The following ASCC3 variants were observed in gnomAD, a reference collection of about 807,000 sequenced individuals.
The protein encoded by ASCC3 is activating signal cointegrator 1 complex subunit 3, also known as ASC-1 complex subunit P200.
A neutral mutation model predicts 256.3 loss-of-function variants in ASCC3; 158 were observed. The observed-to-expected ratio is 0.62, with a 90% CI of 0.54 to 0.70. ASCC3 has a LOEUF of 0.70. Ranked by LOEUF, ASCC3 falls within the 30% of genes least tolerant of loss-of-function variation. The pLI is 0.00. For synonymous variants in ASCC3, 948 were observed against 883.4 expected (o/e 1.07, Z -1.30); for missense variants, 2,259 against 2,626.0 (o/e 0.86, Z 3.05).
intron 36 of ASCC3, among the ~76,000 whole-genome samples, chr6:100,579,689 G>A (rs903894247): frequency 6.6e-6 from 1 of 152,074 alleles, no homozygotes; most frequent in Admixed American, 6.6e-5. Context: ...ATTGGTCTAT[G>A]TCTGTTTTTC....
intron 36 of ASCC3, among the ~76,000 whole-genome samples, chr6:100,587,784 G>T (rs565783795): frequency 6.6e-5 from 10 of 152,296 alleles, no homozygotes; most frequent in East Asian, 3.9e-4. Flanking sequence ...ATAGTGTAAT[G>T]CCAGAAAGAA....
At chr6:100,639,531 T>TAC (rs1322919789) in intron 24 of ASCC3, among the ~76,000 whole-genome samples, 2 of 152,192 alleles carry the variant, frequency 1.3e-5, no homozygotes, top group African/African-American at 4.8e-5. Flanking sequence ...AAGGCCACTT[T>TAC]ACTCTCAAGA....
rs779112446 is a variant in ASCC3 at position 100,516,328 on chromosome 6, C to T, written c.5928-1G>A. 3 of 1,613,514 alleles carry T rather than the reference C, an allele frequency of 1.9e-6. No homozygotes were observed. The highest frequency in any genetic ancestry group is 2.5e-6 in the Non-Finnish European group (3 of 1,179,618). ...GCCCTTCATAATCGGCTTCCATTTC[C>T]TAGGAAATAATATCAAACCAACCAA... On this transcript the variant is annotated splice_acceptor_variant, in intron 38 of 41. Coordinates refer to ENST00000369162, the MANE Select transcript of ASCC3 (RefSeq NM_006828.4). LOFTEE classifies it high-confidence loss of function.
chr6:100,606,684 A>G, intron 32 of ASCC3, 56 bp downstream of exon 32: 1 of 1,519,184 alleles, frequency 6.6e-7, no homozygotes, highest in Non-Finnish European at 8.8e-7. Flanking sequence ...TTCAAATTCA[A>G]ATTTACTCAG....
intron 10 of ASCC3, among the ~76,000 whole-genome samples, chr6:100,764,011 T>C (rs1562279968): frequency 6.6e-6 from 1 of 152,192 alleles, no homozygotes; most frequent in Non-Finnish European, 1.5e-5. Context: ...TACTACCCAG[T>C]AGGGTTCTTG....
chr6:100,512,731 C>G lies in ASCC3; in HGVS notation c.6263G>C (p.Arg2088Thr), dbSNP rs1773829452. The G allele has an allele frequency of 6.2e-7, 1 of 1,613,958 alleles. No individual in the cohort carries two copies. The highest frequency in any genetic ancestry group is 1.7e-5 in the Admixed American group (1 of 60,010). The change falls in exon 40 of 42, where the codon AGA becomes ACA. Residue 2088 changes from arginine to threonine, a missense_variant. This residue lies in a region of ASCC3 where 1,839 missense variants were observed against 2,206.7 expected (regional missense o/e 0.83). Transcript: ENST00000369162. ...QEYVLQVSLQ[R>T]VHFGFHKGKP... ...TACCTTGTGGAACCCAAAGTGGACT[C>G]TCTGCAAGCTCACTTGAAGCACATA...
chr6:100,514,300 T>C (rs1422684439), intron 39 of ASCC3, among the ~76,000 whole-genome samples: 7 of 152,112 alleles, frequency 4.6e-5, no homozygotes, highest in Admixed American at 4.6e-4. Context: ...GCTGTACCAC[T>C]AGATGTTCTT....
intron 8 of ASCC3, among the ~76,000 whole-genome samples, chr6:100,770,820 A>G (rs181748255): frequency 6.6e-6 from 1 of 150,424 alleles, no homozygotes; most frequent in African/African-American, 2.4e-5. Context: ...TTGCTAAATG[A>G]AAGATAAAAT....
At chr6:100,690,911 T>C (rs1375849714) in intron 13 of ASCC3, among the ~76,000 whole-genome samples, 1 of 152,138 alleles carries the variant, frequency 6.6e-6, no homozygotes, top group Non-Finnish European at 1.5e-5. Flanking sequence ...TACTGAATTA[T>C]ATACAGAACA....
intron 3 of ASCC3, among the ~76,000 whole-genome samples, chr6:100,851,979 C>T (rs545707490): frequency 6.6e-6 from 1 of 152,298 alleles, no homozygotes; most frequent in African/African-American, 2.4e-5. Flanking sequence ...CACCGACATG[C>T]TTTCCAGCAC....
At position 100,509,931 on chromosome 6, in the gene ASCC3, C is replaced by A; in HGVS notation, c.6461+1G>T. On this transcript the variant is annotated splice_donor_variant, in intron 41 of 41. Coordinates refer to ENST00000369162, the MANE Select transcript of ASCC3 (RefSeq NM_006828.4). LOFTEE classifies it high-confidence loss of function. Reference sequence around the variant, plus strand: ...AACTTTGGTAGTAGGATTCTTCTTACCTTCCAGGTATTTCAGGGGTATAAA... The same window carrying A: ...AACTTTGGTAGTAGGATTCTTCTTAACTTCCAGGTATTTCAGGGGTATAAA... 2 of 1,611,114 alleles carry A rather than the reference C, an allele frequency of 1.2e-6. No individual in the cohort carries two copies. Among genetic ancestry groups the A allele is most frequent in the African/African-American group, 2.7e-5 (2 of 74,830 alleles).
intron 37 of ASCC3, among the ~76,000 whole-genome samples, chr6:100,532,909 T>A (rs1350830590): frequency 6.6e-6 from 1 of 152,184 alleles, no homozygotes; most frequent in African/African-American, 2.4e-5. Context: ...GCTTTCAGTA[T>A]TTCCTGATTT....
chr6:100,616,095 T>C (rs1773652174), intron 30 of ASCC3, among the ~76,000 whole-genome samples: 1 of 152,192 alleles, frequency 6.6e-6, no homozygotes. Flanking sequence ...ACTTCTTACC[T>C]ACAAGAAGAG....
At chr6:100,838,567 C>T (rs1349088729) in intron 4 of ASCC3, among the ~76,000 whole-genome samples, 1 of 151,764 alleles carries the variant, frequency 6.6e-6, no homozygotes, top group Non-Finnish European at 1.5e-5. Context: ...AACTAATGCT[C>T]ATTATTTACA....
At chr6:100,712,923 A>T (rs965162184) in intron 13 of ASCC3, among the ~76,000 whole-genome samples, 1 of 151,742 alleles carries the variant, frequency 6.6e-6, no homozygotes, top group African/African-American at 2.4e-5. Context: ...ACGCCCGGCT[A>T]ACTTTTTTGT....
Position 100,606,872 on chromosome 6 carries a change from A to C in ASCC3, c.4924-12T>G. On this transcript the variant is annotated splice_polypyrimidine_tract_variant and intron_variant, in intron 31 of 41. Coordinates refer to ENST00000369162, the MANE Select transcript of ASCC3 (RefSeq NM_006828.4). ...GTAGCAATAAGAACCTAAAAAGCAAAATAAAATATCTTATATCTAAGTAAA... is the reference window on the plus strand; with the variant it reads ...GTAGCAATAAGAACCTAAAAAGCAACATAAAATATCTTATATCTAAGTAAA... The C allele has an allele frequency of 6.2e-7, 1 of 1,610,646 alleles. No homozygotes were observed. Among genetic ancestry groups the C allele is most frequent in the Non-Finnish European group, 8.5e-7 (1 of 1,178,342 alleles).
intron 37 of ASCC3, among the ~76,000 whole-genome samples, chr6:100,534,227 G>A (rs552742174): frequency 6.6e-6 from 1 of 152,286 alleles, no homozygotes; most frequent in African/African-American, 2.4e-5. Context: ...GGGAGACAGA[G>A]CAAGATCCTG....
At chr6:100,620,055 T>A (rs1773869161) in intron 30 of ASCC3, among the ~76,000 whole-genome samples, 1 of 152,042 alleles carries the variant, frequency 6.6e-6, no homozygotes, top group African/African-American at 2.4e-5. Context: ...GTTTGAGGAG[T>A]GAAAGGGCCA....
intron 30 of ASCC3, among the ~76,000 whole-genome samples, chr6:100,623,555 T>G (rs906752413): frequency 1.3e-5 from 2 of 152,114 alleles, no homozygotes; most frequent in East Asian, 1.9e-4. Flanking sequence ...CCAGTGGATT[T>G]GGAACATTGT....
Sources: allele counts gnomAD v4.1 joint callset (sites outside exome capture counted in the v4.1 genomes callset), GRCh38; gene constraint gnomAD v4.1.1; regional missense constraint gnomAD v4.1.1; transcripts MANE v1.5; gene names NCBI Gene and HGNC (gene_info 2026-07-23, HGNC 2026-07-21).